The following CNTNAP5 variants were observed in gnomAD, a reference collection of about 807,000 sequenced individuals.
CNTNAP5 encodes the protein contactin-associated protein-like 5.
Under a neutral mutation model 150.2 loss-of-function variants are expected in CNTNAP5, and 72 were observed. The observed-to-expected ratio is 0.48, with a 90% confidence interval of 0.40 to 0.58. CNTNAP5 has a LOEUF of 0.58. CNTNAP5 is among the 20% of genes least tolerant of loss of function. The pLI is 0.00. For missense variants in CNTNAP5, 1,636 were observed against 1,626.2 expected, an observed-to-expected ratio of 1.01 and a Z score of -0.10; for synonymous variants, 672 against 619.8, an observed-to-expected ratio of 1.08 and a Z score of -1.25.
chr2:124,719,623 C>G (rs1031075133), intron 13 of CNTNAP5, among the ~76,000 whole-genome samples: 18 of 152,152 alleles, frequency 1.2e-4, no homozygotes, highest in Admixed American at 6.6e-4. Flanking sequence ...CCACTGGCTA[C>G]GTAATAGTTT....
At chr2:124,270,010 C>T (rs1000268038) in intron 3 of CNTNAP5, among the ~76,000 whole-genome samples, 1 of 152,020 alleles carries the variant, frequency 6.6e-6, no homozygotes, top group African/African-American at 2.4e-5. Flanking sequence ...AAAAAATATA[C>T]AAGTATAAAT....
chr2:124,804,934 G>A (rs1000874215), intron 19 of CNTNAP5, among the ~76,000 whole-genome samples: 4 of 152,058 alleles, frequency 2.6e-5, no homozygotes, highest in Admixed American at 2.6e-4. Flanking sequence ...TGCATCCTGG[G>A]GTTATCAGAG....
chr2:124,464,639 C>T (rs536701152), intron 6 of CNTNAP5, among the ~76,000 whole-genome samples: 17 of 152,264 alleles, frequency 1.1e-4, no homozygotes, highest in African/African-American at 3.1e-4. Context: ...GGAAAGCCAT[C>T]GTCCAATTTT....
intron 2 of CNTNAP5, among the ~76,000 whole-genome samples, 168 bp from the exon 3 acceptor site, chr2:124,242,032 G>A (rs189991214): frequency 1.4e-4 from 22 of 152,276 alleles, no homozygotes; most frequent in Admixed American, 1.4e-3. Context: ...TGGAGGTGGA[G>A]AATGGAAAGT....
chr2:124,464,489 A>G (rs1573391674), intron 6 of CNTNAP5, among the ~76,000 whole-genome samples: 1 of 152,214 alleles, frequency 6.6e-6, no homozygotes, highest in Non-Finnish European at 1.5e-5. Flanking sequence ...CCAAAGTCGA[A>G]GCAAAAATAA....
intron 13 of CNTNAP5, among the ~76,000 whole-genome samples, chr2:124,710,020 A>AAAGTGGTCCT (rs1679773392): frequency 6.6e-6 from 1 of 152,096 alleles, no homozygotes; most frequent in Admixed American, 6.6e-5. Context: ...TTACAAAAAA[A>AAAGTGGTCCT]GTGGTCCCGG....
chr2:124,577,521 T>G (rs900410406), intron 11 of CNTNAP5, among the ~76,000 whole-genome samples: 1 of 152,178 alleles, frequency 6.6e-6, no homozygotes, highest in Non-Finnish European at 1.5e-5. Flanking sequence ...CTATTCAGGG[T>G]TCAACAGTCA....
intron 1 of CNTNAP5, among the ~76,000 whole-genome samples, chr2:124,072,334 C>T (rs1229888986): frequency 2.0e-5 from 3 of 151,620 alleles, no homozygotes; most frequent in Non-Finnish European, 4.4e-5. Flanking sequence ...ACAAGGATAC[C>T]CACTTTTACC....
At chr2:124,810,123 G>C (rs1682175936) in intron 19 of CNTNAP5, among the ~76,000 whole-genome samples, 1 of 152,164 alleles carries the variant, frequency 6.6e-6, no homozygotes, top group Non-Finnish European at 1.5e-5. Context: ...TCTTTCCTGG[G>C]ACTCTACTTG....
chr2:124,628,842 A>T (rs574094808), intron 12 of CNTNAP5, among the ~76,000 whole-genome samples: 1 of 152,230 alleles, frequency 6.6e-6, no homozygotes, highest in Admixed American at 6.5e-5. Context: ...AGATGCACAT[A>T]GAATCATAAT....
intron 3 of CNTNAP5, among the ~76,000 whole-genome samples, chr2:124,375,696 T>C (rs1195376997): frequency 1.3e-5 from 2 of 152,068 alleles, no homozygotes; most frequent in Non-Finnish European, 2.9e-5. Context: ...ATGATGCAAG[T>C]TTTTCACATT....
chr2:124,135,476 G>T (rs1683954124), intron 1 of CNTNAP5, among the ~76,000 whole-genome samples: 1 of 152,050 alleles, frequency 6.6e-6, no homozygotes, highest in Non-Finnish European at 1.5e-5. Context: ...GTCTGCCCTG[G>T]ATTAGTAAGA....
chr2:124,361,599 A>C (rs10204362), intron 3 of CNTNAP5, among the ~76,000 whole-genome samples: 1 of 132,242 alleles, frequency 7.6e-6, no homozygotes, highest in African/African-American at 2.9e-5. Context: ...CTGCTGGGGG[A>C]TGCCTCCCAG....
chr2:124,354,511 GC>G (rs1439395961), intron 3 of CNTNAP5, among the ~76,000 whole-genome samples: 1 of 152,176 alleles, frequency 6.6e-6, no homozygotes, highest in Non-Finnish European at 1.5e-5. Flanking sequence ...TTATTTTAAA[GC>G]TAATCTTGCC....
At chr2:124,560,423 G>A (rs1488431939) in intron 10 of CNTNAP5, among the ~76,000 whole-genome samples, 1 of 151,222 alleles carries the variant, frequency 6.6e-6, no homozygotes, top group East Asian at 2.0e-4. Context: ...GGAGGCTGAG[G>A]CAGGAGAATC....
chr2:124,336,643 C>A (rs376486084), intron 3 of CNTNAP5, among the ~76,000 whole-genome samples: 3 of 150,266 alleles, frequency 2.0e-5, no homozygotes, highest in Admixed American at 1.3e-4. Flanking sequence ...TTTGTCCTTG[C>A]GATAGTTTGC....
At chr2:124,526,291 A>G (rs967056481) in intron 9 of CNTNAP5, among the ~76,000 whole-genome samples, 1 of 152,208 alleles carries the variant, frequency 6.6e-6, no homozygotes, top group African/African-American at 2.4e-5. Context: ...AGTTTCAGTA[A>G]TAATAGTCAA....
chr2:124,088,563 T>C (rs530035246), intron 1 of CNTNAP5, among the ~76,000 whole-genome samples: 4 of 149,926 alleles, frequency 2.7e-5, no homozygotes, highest in South Asian at 2.1e-4. Flanking sequence ...TATTTAAACC[T>C]TCTGTTTTAA....
chr2:124,813,202 G>T (rs1682276475), intron 19 of CNTNAP5, among the ~76,000 whole-genome samples: 1 of 151,566 alleles, frequency 6.6e-6, no homozygotes, highest in South Asian at 2.1e-4. Flanking sequence ...TCAGCCTCCC[G>T]AGTAGCTGGG....
Sources: allele counts gnomAD v4.1 joint callset (sites outside exome capture counted in the v4.1 genomes callset), GRCh38; gene constraint gnomAD v4.1.1; transcripts MANE v1.5; gene names NCBI Gene and HGNC (gene_info 2026-07-23, HGNC 2026-07-21).